Variants in KPNA7 observed in about 807,000 individuals in gnomAD.
KPNA7 encodes karyopherin subunit alpha 7.
KPNA7 carries 54 observed loss-of-function variants against 53.7 expected under a neutral mutation model. The observed-to-expected ratio is 1.01, with a 90% CI of 0.81 to 1.26. The LOEUF (loss-of-function observed/expected upper bound fraction) is 1.26. Ranked by LOEUF, KPNA7 falls within the 50% of genes most tolerant of loss-of-function variation. The pLI, the probability that KPNA7 is intolerant of heterozygous loss-of-function variation, is 0.00. For synonymous variants in KPNA7, 276 were observed against 259.3 expected (o/e 1.06, Z -0.62); for missense variants, 640 against 644.5 (o/e 0.99, Z 0.07).
chr7:99,217,619 C>CTTTTTTTTTTT (rs10616354), intron 1 of KPNA7, among the ~76,000 whole-genome samples: 1 of 39,824 alleles, frequency 2.5e-5, no homozygotes, highest in African/African-American at 1.1e-4. Context: ...TCCACCTTGC[C>CTTTTTTTTTTT]TTTTTTTTTT....
chr7:99,169,293 A>C (rs1199297349), downstream of KPNA7, among the ~76,000 whole-genome samples: 1 of 152,184 alleles, frequency 6.6e-6, no homozygotes, highest in East Asian at 1.9e-4. Flanking sequence ...TGAGGGAGCA[A>C]AACTGAGAAA....
At chr7:99,168,923 C>T (rs1369701347), downstream of KPNA7, among the ~76,000 whole-genome samples, 4 of 152,178 alleles carry the variant, frequency 2.6e-5, no homozygotes, top group Non-Finnish European at 5.9e-5. Context: ...CGGTGGCTCA[C>T]ACCTGTAATC....
intron 10 of KPNA7, 92 bp downstream of exon 10, chr7:99,177,828 C>T: frequency 7.4e-7 from 1 of 1,346,382 alleles, no homozygotes; most frequent in Non-Finnish European, 1.0e-6. Flanking sequence ...TCACCTGCCA[C>T]ACGCAACAGC....
At chr7:99,184,649 A>T (rs777183896) in intron 8 of KPNA7, among the ~76,000 whole-genome samples, 1 of 152,202 alleles carries the variant, frequency 6.6e-6, no homozygotes, top group Non-Finnish European at 1.5e-5. Context: ...CACCGCTTAG[A>T]CATAAGCCAA....
downstream of KPNA7, chr7:99,173,494 A>G: frequency 2.3e-6 from 1 of 431,410 alleles, no homozygotes; most frequent in Non-Finnish European, 4.2e-6. Flanking sequence ...CACCCAGCCT[A>G]AACAAATGTT....
intron 2 of KPNA7, among the ~76,000 whole-genome samples, chr7:99,203,675 C>G (rs1004271858): frequency 6.6e-6 from 1 of 151,866 alleles, no homozygotes; most frequent in Non-Finnish European, 1.5e-5. Context: ...GTCCTAGATG[C>G]CCTGATCATT....
upstream of KPNA7, among the ~76,000 whole-genome samples, chr7:99,211,105 A>G (rs76643257): frequency 3.9e-5 from 6 of 152,310 alleles, no homozygotes; most frequent in East Asian, 1.2e-3. Flanking sequence ...CAGTGCAGAC[A>G]ACTTGGAGAT....
chr7:99,180,165 G>A (rs980798580), intron 9 of KPNA7, among the ~76,000 whole-genome samples: 4 of 152,200 alleles, frequency 2.6e-5, no homozygotes, highest in African/African-American at 9.6e-5. Flanking sequence ...GAAGGTCCAT[G>A]TGTCCAAGTG....
the KPNA7 span, among the ~76,000 whole-genome samples, chr7:99,156,000 G>T: frequency 6.6e-6 from 1 of 152,146 alleles, no homozygotes; most frequent in Non-Finnish European, 1.5e-5. Flanking sequence ...GGAGCTCGCT[G>T]CCTGTCTGTT....
intron 1 of KPNA7, among the ~76,000 whole-genome samples, chr7:99,215,331 C>T (rs1791187917): frequency 7.6e-6 from 1 of 132,216 alleles, no homozygotes; most frequent in South Asian, 2.5e-4. Context: ...GAGATGGTGC[C>T]ACTGCACTCC....
upstream of KPNA7, among the ~76,000 whole-genome samples, chr7:99,209,755 C>T (rs1791009388): frequency 6.9e-6 from 1 of 144,880 alleles, no homozygotes; most frequent in Non-Finnish European, 1.5e-5. Context: ...TGCCTGTAAT[C>T]TCAACAACTT....
At chr7:99,212,622 A>C (rs1791105774), upstream of KPNA7, among the ~76,000 whole-genome samples, 1 of 152,084 alleles carries the variant, frequency 6.6e-6, no homozygotes, top group Non-Finnish European at 1.5e-5. Flanking sequence ...TTGGCCAGGC[A>C]CAGTGGCTCA....
chr7:99,148,549 A>T, the KPNA7 span, among the ~76,000 whole-genome samples: 1 of 152,152 alleles, frequency 6.6e-6, no homozygotes, highest in Non-Finnish European at 1.5e-5. Flanking sequence ...CCTGAAACCA[A>T]TTTATGAATC....
At chr7:99,164,330 C>G in the KPNA7 span, among the ~76,000 whole-genome samples, 1 of 151,832 alleles carries the variant, frequency 6.6e-6, no homozygotes, top group Non-Finnish European at 1.5e-5. Context: ...GAGTTCATGT[C>G]CTTTGTAGGG....
chr7:99,196,054 C>T, intron 4 of KPNA7, 30 bp downstream of exon 4: 1 of 1,536,268 alleles, frequency 6.5e-7, no homozygotes, highest in Non-Finnish European at 8.8e-7. Flanking sequence ...AACTATGAAC[C>T]TGCAACAGCA....
the KPNA7 span, among the ~76,000 whole-genome samples, chr7:99,153,513 G>C: frequency 6.7e-6 from 1 of 149,546 alleles, no homozygotes; most frequent in African/African-American, 2.5e-5. Context: ...TTGTACCATT[G>C]CACTCCAGCC....
At chr7:99,204,271 C>A (rs1485883801) in intron 2 of KPNA7, among the ~76,000 whole-genome samples, 1 of 151,994 alleles carries the variant, frequency 6.6e-6, no homozygotes, top group Non-Finnish European at 1.5e-5. Flanking sequence ...ACTTGGGAGT[C>A]TGAGGTGGGA....
chr7:99,204,696 T>C (rs1044647679), intron 2 of KPNA7, among the ~76,000 whole-genome samples: 1 of 151,804 alleles, frequency 6.6e-6, no homozygotes, highest in Admixed American at 6.6e-5. Context: ...GCCAACATAG[T>C]GAGACCCTGT....
chr7:99,173,822 C>G (rs925516328), intron 10 of KPNA7, 28 bp from the exon 11 acceptor site: 1 of 1,332,646 alleles, frequency 7.5e-7, no homozygotes, highest in Admixed American at 2.0e-5. Flanking sequence ...CACTGTTATA[C>G]CTCCAGGATT....
Sources: allele counts gnomAD v4.1 joint callset (sites outside exome capture counted in the v4.1 genomes callset), GRCh38; gene constraint gnomAD v4.1.1; transcripts MANE v1.5; gene names NCBI Gene and HGNC (gene_info 2026-07-23, HGNC 2026-07-21).